The following ABCD3 variants were observed in gnomAD, a reference collection of about 807,000 sequenced individuals.
The protein encoded by ABCD3 is ATP binding cassette subfamily D member 3.
A neutral mutation model predicts 105.5 loss-of-function variants in ABCD3; 41 were observed. The observed-to-expected ratio is 0.39, with a 90% CI of 0.30 to 0.50. The LOEUF (loss-of-function observed/expected upper bound fraction) is 0.50, where lower values mean the gene tolerates loss of function less well. ABCD3 is among the 20% of genes least tolerant of loss of function. The pLI is 0.84. For synonymous variants in ABCD3, 258 were observed against 269.0 expected (o/e 0.96, Z 0.40); for missense variants, 622 against 806.3 (o/e 0.77, Z 2.77).
At chr1:94,506,976 T>C (rs958920779) in intron 21 of ABCD3, among the ~76,000 whole-genome samples, 5 of 151,496 alleles carry the variant, frequency 3.3e-5, no homozygotes, top group Non-Finnish European at 7.4e-5. Context: ...TTAAAAGATT[T>C]ATTTATTTAT....
At chr1:94,414,961 T>C (rs1351373731), upstream of ABCD3, among the ~76,000 whole-genome samples, 1 of 152,222 alleles carries the variant, frequency 6.6e-6, no homozygotes, top group East Asian at 1.9e-4. Context: ...TGCAGTCACC[T>C]GAAGGCTTGA....
At chr1:94,418,174 G>A (rs1181538837), upstream of ABCD3, among the ~76,000 whole-genome samples, 1 of 152,190 alleles carries the variant, frequency 6.6e-6, no homozygotes, top group Non-Finnish European at 1.5e-5. Context: ...CGCCTCGCAG[G>A]GCTGAGTAGC....
At chr1:94,389,017 A>G in the ABCD3 span, among the ~76,000 whole-genome samples, 1 of 152,186 alleles carries the variant, frequency 6.6e-6, no homozygotes, top group Non-Finnish European at 1.5e-5. Flanking sequence ...GCTTTGCCCC[A>G]TGACTGTAAC....
At position 94,515,141 on chromosome 1, in the gene ABCD3, A is replaced by G. The variant is rs747603792; in HGVS notation, c.1846-5A>G. 3.1e-6 allele frequency: 5 copies of G among 1,602,880 alleles called. No individual in the cohort carries two copies. The highest frequency in any genetic ancestry group is 3.3e-5 in the Admixed American group (2 of 59,760). ...ATTAAACCTAAATCATTTTCTTTGT[A>G]TTAGGTTGGCATCACTCTCTTCACT... is the stretch of plus-strand genomic sequence containing the variant. On this transcript the variant is annotated splice_region_variant and splice_polypyrimidine_tract_variant and intron_variant, in intron 21 of 22. Coordinates refer to ENST00000370214, the MANE Select transcript of ABCD3 (RefSeq NM_002858.4).
chr1:94,476,401 A>G (rs1648743181), intron 7 of ABCD3, among the ~76,000 whole-genome samples: 1 of 152,088 alleles, frequency 6.6e-6, no homozygotes, highest in Non-Finnish European at 1.5e-5. Flanking sequence ...TGCATTGACT[A>G]TGATATGTAG....
chr1:94,403,537 A>T, the ABCD3 span, among the ~76,000 whole-genome samples: 34 of 151,942 alleles, frequency 2.2e-4, no homozygotes, highest in Non-Finnish European at 4.1e-4. Context: ...TCCAGCTTGC[A>T]CTCCTCCCTT....
chr1:94,426,635 C>T (rs540486037), intron 1 of ABCD3, among the ~76,000 whole-genome samples: 27 of 151,876 alleles, frequency 1.8e-4, no homozygotes, highest in African/African-American at 6.0e-4. Context: ...CTCCGACTCC[C>T]GGGTTCAAGT....
chr1:94,509,211 G>A (rs1430727397), intron 21 of ABCD3, among the ~76,000 whole-genome samples: 3 of 152,122 alleles, frequency 2.0e-5, no homozygotes, highest in African/African-American at 4.8e-5. Flanking sequence ...GTTGAATTTT[G>A]TCAAAGGCCT....
chr1:94,449,290 G>T (rs1341650111), intron 1 of ABCD3, among the ~76,000 whole-genome samples: 2 of 152,166 alleles, frequency 1.3e-5, no homozygotes. Context: ...ATCGAACATA[G>T]CCACCTACTT....
chr1:94,495,036 G>T (rs1029410776), intron 16 of ABCD3, among the ~76,000 whole-genome samples: 2 of 152,064 alleles, frequency 1.3e-5, no homozygotes, highest in Non-Finnish European at 2.9e-5. Context: ...AGCGGAGATC[G>T]CACCACTATA....
rs184116454 is a variant in ABCD3 at position 94,481,052 on chromosome 1, C to T, written c.827+446C>T. Among the ~76,000 whole-genome samples, 583 of 152,280 alleles carry T rather than the reference C, an allele frequency of 3.8e-3. 20 individuals are homozygous for T. The highest frequency in any genetic ancestry group is 0.034 in the Admixed American group (514 of 15,286). On this transcript the variant is annotated intron_variant, in intron 9 of 22. Coordinates refer to ENST00000370214, the MANE Select transcript of ABCD3 (RefSeq NM_002858.4). ...GTAAGATAGGAAGAAAAAGTGTGGA[C>T]TTTGGAGCCAGCCATACTAGCTTCA...
At chr1:94,427,206 G>T (rs1039017391) in intron 1 of ABCD3, among the ~76,000 whole-genome samples, 1 of 152,138 alleles carries the variant, frequency 6.6e-6, no homozygotes, top group Non-Finnish European at 1.5e-5. Flanking sequence ...GTTTCTGCTG[G>T]AGCTGGTGTG....
intron 1 of ABCD3, among the ~76,000 whole-genome samples, chr1:94,424,723 A>G (rs1332607850): frequency 1.3e-5 from 2 of 152,164 alleles, no homozygotes; most frequent in East Asian, 3.8e-4. Flanking sequence ...GGCCCCTGCC[A>G]CTCAAAATAG....
chr1:94,406,340 G>GTTTT, the ABCD3 span: 13 of 142,536 alleles, frequency 9.1e-5, no homozygotes, highest in Middle Eastern at 2.7e-3. Flanking sequence ...ATTTTGTTTT[G>GTTTT]TTTTTTTTTT....
chr1:94,478,829 G>A (rs911733475), intron 8 of ABCD3: 41 of 351,446 alleles, frequency 1.2e-4, no homozygotes, highest in Non-Finnish European at 1.5e-4. Flanking sequence ...TAGAGTGGGT[G>A]TAACAGTTCC....
chr1:94,451,063 T>C (rs1647224605), intron 1 of ABCD3, among the ~76,000 whole-genome samples: 1 of 152,228 alleles, frequency 6.6e-6, no homozygotes, highest in South Asian at 2.1e-4. Flanking sequence ...TATTTTATTT[T>C]TAGAAATTTC....
the ABCD3 span, among the ~76,000 whole-genome samples, chr1:94,392,554 G>A: frequency 2.2e-4 from 34 of 152,184 alleles, no homozygotes; most frequent in Non-Finnish European, 4.3e-4. Context: ...CTTGTTATAC[G>A]GGTGATCTGA....
chr1:94,493,203 A>G (rs1179770702), intron 16 of ABCD3, among the ~76,000 whole-genome samples: 1 of 152,006 alleles, frequency 6.6e-6, no homozygotes, highest in East Asian at 1.9e-4. Flanking sequence ...CTCATCTGAC[A>G]AAGGGCTAAT....
chr1:94,395,784 C>T, the ABCD3 span, among the ~76,000 whole-genome samples: 1,458 of 152,066 alleles, frequency 9.6e-3, 22 homozygotes, highest in African/African-American at 0.034. Context: ...GTTCCATTTC[C>T]ATTTCCTCTA....
Sources: allele counts gnomAD v4.1 joint callset (sites outside exome capture counted in the v4.1 genomes callset), GRCh38; gene constraint gnomAD v4.1.1; transcripts MANE v1.5; gene names NCBI Gene and HGNC (gene_info 2026-07-23, HGNC 2026-07-21).